Variants in NPEPPS observed in about 807,000 individuals in gnomAD.
The protein encoded by NPEPPS is aminopeptidase puromycin sensitive.
A neutral mutation model predicts 115.5 loss-of-function variants in NPEPPS; 14 were observed. The ratio of observed to expected loss-of-function variants is 0.12; its 90% confidence interval spans 0.08 to 0.19. NPEPPS has a LOEUF of 0.19. NPEPPS is among the 10% of genes least tolerant of loss of function. The pLI is 1.00. For synonymous variants in NPEPPS, 285 were observed against 390.6 expected, an observed-to-expected ratio of 0.73 and a Z score of 3.19; for missense variants, 523 against 1,110.8, an observed-to-expected ratio of 0.47 and a Z score of 7.52.
In NPEPPS at chr17:47,622,196, C is replaced by T. The variant is rs1199160007; in HGVS notation, c.*276C>T. On this transcript the variant is annotated 3_prime_UTR_variant, in exon 23 of 23. Coordinates refer to ENST00000322157, the MANE Select transcript of NPEPPS (RefSeq NM_006310.4). Reference sequence around the variant, plus strand: ...AACGAAACTGTGAAACTTTCTGAAGCCTTGTCAGTGGTTAAAAGTATTTAA... The same window carrying T: ...AACGAAACTGTGAAACTTTCTGAAGTCTTGTCAGTGGTTAAAAGTATTTAA... The T allele has an allele frequency of 1.4e-6, 1 of 707,596 alleles. No homozygotes were observed. The highest frequency in any genetic ancestry group is 1.8e-6 in the Non-Finnish European group (1 of 545,170). The allele number at this position is 707,596 out of a possible 1,614,324, so 43.8% of individuals were successfully genotyped here. A position where few individuals can be genotyped will look rare whatever the true frequency, so the allele number is the denominator to read the frequency against.
intron 10 of NPEPPS, 97 bp from the exon 11 acceptor site, chr17:47,591,859 T>C: frequency 1.8e-6 from 1 of 562,192 alleles, no homozygotes. Context: ...GGCAGAAAAA[T>C]GTAAGTTAGA....
Position 47,619,068 on chromosome 17 carries a change from G to A in NPEPPS, c.2463G>A (p.Lys821=). The stretch of plus-strand genomic sequence containing the variant: ...TTGGTGGAGTAGCTGGAGGCAGCAA[G>A]CATGGTAGGAAAGCTGCTTGGAAAT... ...SVIGGVAGGS[K]HGRKAAWKFI... Residue 821 remains lysine, a synonymous_variant, in exon 21 of 23, where the codon AAG becomes AAA. Transcript: ENST00000322157. The A allele has an allele frequency of 6.2e-7, 1 of 1,613,948 alleles. No homozygotes were observed. The highest frequency in any genetic ancestry group is 8.5e-7 in the Non-Finnish European group (1 of 1,179,842).
upstream of NPEPPS, among the ~76,000 whole-genome samples, chr17:47,529,641 G>A (rs1907582714): frequency 7.5e-6 from 1 of 133,238 alleles, no homozygotes; most frequent in Non-Finnish European, 1.6e-5. Context: ...CTGACCTCGT[G>A]ATCCACCTGC....
At chr17:47,574,191 CAT>C (rs1911368020) in intron 3 of NPEPPS, among the ~76,000 whole-genome samples, 3 of 151,950 alleles carry the variant, frequency 2.0e-5, no homozygotes, top group Admixed American at 2.0e-4. Context: ...GCATTAAACT[CAT>C]AAAAACAAAA....
intron 17 of NPEPPS, among the ~76,000 whole-genome samples, chr17:47,605,756 G>A (rs1342375318): frequency 6.6e-6 from 1 of 152,192 alleles, no homozygotes; most frequent in Non-Finnish European, 1.5e-5. Flanking sequence ...ATGTGTGTTC[G>A]ATGCTAAATA....
rs746773669 is a variant in NPEPPS at position 47,619,047 on chromosome 17, T to A, written c.2442T>A (p.Gly814=). ...VRPQDTVSVI[G]GVAGGSKHGR... is the part of the protein sequence containing the mutation. ...CACAGGACACTGTATCGGTAATTGG[T>A]GGAGTAGCTGGAGGCAGCAAGCATG... is the stretch of plus-strand genomic sequence containing the variant. The change falls in exon 21 of 23, where the codon GGT becomes GGA. Residue 814 remains glycine, a synonymous_variant. Coordinates refer to ENST00000322157, the MANE Select transcript of NPEPPS (RefSeq NM_006310.4). The A allele has an allele frequency of 6.8e-6, 11 of 1,613,830 alleles. 1 individual carries two copies. The highest frequency in any genetic ancestry group is 9.3e-6 in the Non-Finnish European group (11 of 1,179,872).
intron 1 of NPEPPS, among the ~76,000 whole-genome samples, chr17:47,539,623 G>A (rs1471253485): frequency 1.3e-5 from 2 of 152,008 alleles, no homozygotes; most frequent in African/African-American, 2.4e-5. Flanking sequence ...AGGTAGGTGC[G>A]TATTATTCCT....
intron 19 of NPEPPS, among the ~76,000 whole-genome samples, chr17:47,617,715 C>T (rs1402106590): frequency 1.3e-5 from 2 of 151,932 alleles, no homozygotes; most frequent in Non-Finnish European, 2.9e-5. Context: ...GAACATTAGC[C>T]AGATATCAAT....
intron 17 of NPEPPS, among the ~76,000 whole-genome samples, chr17:47,610,023 CT>C (rs1567870295): frequency 6.6e-6 from 1 of 151,988 alleles, no homozygotes; most frequent in African/African-American, 2.4e-5. Flanking sequence ...TGGATGTTAA[CT>C]TTTTTTGAGA....
intron 17 of NPEPPS, among the ~76,000 whole-genome samples, chr17:47,609,292 T>G (rs531001089): frequency 6.6e-6 from 1 of 152,246 alleles, no homozygotes; most frequent in East Asian, 1.9e-4. Flanking sequence ...AGTGACAGGA[T>G]AGGAGTACAT....
rs59893483 is a variant in NPEPPS at position 47,610,845 on chromosome 17, C to CTTTT, written c.2096-1592_2096-1589dup. Reference sequence around the variant, plus strand: ...GAAATTGCTGAGTCATATGATGACTCTTTTTTTTTTTTTTTTTTTTTTTTT... The same window carrying CTTTT: ...GAAATTGCTGAGTCATATGATGACTCTTTTTTTTTTTTTTTTTTTTTTTTTTTTT... On this transcript the variant is annotated intron_variant, in intron 17 of 22. Transcript: ENST00000322157. Among the ~76,000 whole-genome samples the CTTTT allele has an allele frequency of 1.5e-3, 150 of 100,112 alleles. 23 individuals carry two copies. Among genetic ancestry groups the CTTTT allele is most frequent in the Non-Finnish European group, 2.4e-3 (122 of 51,238 alleles). 65.7% of individuals were successfully genotyped at this position (100,112 alleles called of 152,430 possible).
intron 13 of NPEPPS, among the ~76,000 whole-genome samples, chr17:47,598,486 C>A (rs1913006906): frequency 6.6e-6 from 1 of 151,560 alleles, no homozygotes; most frequent in East Asian, 1.9e-4. Flanking sequence ...AAAAAACAAA[C>A]AATTGGCCAG....
At chr17:47,574,666 CT>C in intron 3 of NPEPPS, among the ~76,000 whole-genome samples, 1 of 152,250 alleles carries the variant, frequency 6.6e-6, no homozygotes, top group Middle Eastern at 3.4e-3. Context: ...TCACGGCTCA[CT>C]GCAGCCTCAA....
At chr17:47,544,638 A>G (rs908568751) in intron 1 of NPEPPS, among the ~76,000 whole-genome samples, 8 of 149,826 alleles carry the variant, frequency 5.3e-5, no homozygotes, top group Admixed American at 2.0e-4. Context: ...GGTTTAAGCA[A>G]TTGTCGTGCC....
rs1913380862 is a variant in NPEPPS at position 47,603,980 on chromosome 17, A to G, written c.1806A>G (p.Leu602=). Residue 602 remains leucine, a synonymous_variant, in exon 16 of 23, where the codon TTA becomes TTG. Transcript: ENST00000322157. ...GCTCTGCCATGCTGGAAAGTTTATT[A>G]CCAGGCATTCGTGACCTTTCTCTGC... The part of the protein sequence containing the change: ...QYSSAMLESL[L]PGIRDLSLPP... 6.2e-7 allele frequency: 1 copy of G among 1,613,622 alleles called. No individual in the cohort carries two copies. Among genetic ancestry groups the G allele is most frequent in the Non-Finnish European group, 8.5e-7 (1 of 1,179,744 alleles).
chr17:47,524,942 A>G (rs1427254737), intron 1 of NPEPPS, among the ~76,000 whole-genome samples: 1 of 150,724 alleles, frequency 6.6e-6, no homozygotes, highest in African/African-American at 2.4e-5. Context: ...ATGGACTTCC[A>G]TAGGTTTTTC....
chr17:47,580,581 C>T (rs1911812685), intron 4 of NPEPPS: 1 of 152,092 alleles, frequency 6.6e-6, no homozygotes, highest in Non-Finnish European at 1.5e-5. Flanking sequence ...CACAGCTAGC[C>T]CATGTTATTC....
chr17:47,557,676 A>T (rs1380912943), intron 2 of NPEPPS, among the ~76,000 whole-genome samples: 9 of 148,814 alleles, frequency 6.0e-5, no homozygotes, highest in Admixed American at 6.7e-5. Context: ...TTTTGGGGGA[A>T]ATTCTCCAGG....
At chr17:47,607,724 A>C (rs926055060) in intron 17 of NPEPPS, among the ~76,000 whole-genome samples, 2 of 152,202 alleles carry the variant, frequency 1.3e-5, no homozygotes, top group African/African-American at 4.8e-5. Context: ...GGTGCAACTG[A>C]AACTATTTGG....
Sources: allele counts gnomAD v4.1 joint callset (sites outside exome capture counted in the v4.1 genomes callset), GRCh38; gene constraint gnomAD v4.1.1; transcripts MANE v1.5; gene names NCBI Gene and HGNC (gene_info 2026-07-23, HGNC 2026-07-21).